The following NEDD4L variants were observed in gnomAD, a reference collection of about 807,000 sequenced individuals.
NEDD4L encodes the protein E3 ubiquitin-protein ligase NEDD4-like.
In NEDD4L, 54 loss-of-function variants were observed where a neutral mutation model predicts 148.9. That is an observed-to-expected ratio of 0.36 (90% CI 0.29 to 0.45). NEDD4L has a LOEUF of 0.45. NEDD4L is among the 20% of genes least tolerant of loss of function. The pLI, the probability that NEDD4L is intolerant of heterozygous loss-of-function variation, is 1.00. For missense variants in NEDD4L, 856 were observed against 1,233.8 expected (o/e 0.69, Z 4.59); for synonymous variants, 433 against 440.7 (o/e 0.98, Z 0.22).
chr18:58,116,737 GA>G (rs1446178861), intron 1 of NEDD4L, among the ~76,000 whole-genome samples: 1 of 152,250 alleles, frequency 6.6e-6, no homozygotes, highest in Admixed American at 6.5e-5. Flanking sequence ...TCCTAACACA[GA>G]ACATGGAATT....
rs920668732 is a variant in NEDD4L, at chr18:58,391,482, T to C, written c.2753-5T>C. 1.9e-6 allele frequency: 3 copies of C among 1,569,904 alleles called. No individual in the cohort carries two copies. The highest frequency in any genetic ancestry group is 2.7e-5 in the African/African-American group (2 of 73,976). ...CTTAACATTTCTTTTTCTTTTCTTG[T>C]CTAGGTTCCAATGGTCCTCAGCTGT... On this transcript the variant is annotated splice_region_variant and splice_polypyrimidine_tract_variant and intron_variant, in intron 29 of 30. Transcript: ENST00000400345.
In NEDD4L at chr18:58,383,563, A is replaced by G. The variant is rs6566962; in HGVS notation, c.2426+244A>G. Among the ~76,000 whole-genome samples the G allele has an allele frequency of 0.087, 13,246 of 152,242 alleles. 848 individuals carry two copies. The highest frequency in any genetic ancestry group is 0.19 in the South Asian group (935 of 4,818). ...AGCAGAGGAGGGAGAAAAGGTCTAT[A>G]TTATTGAGTAATACGGCAAATACTC... On this transcript the variant is annotated intron_variant, in intron 25 of 30. Transcript: ENST00000400345.
chr18:58,214,816 T>C (rs1332568366), intron 2 of NEDD4L, among the ~76,000 whole-genome samples: 2 of 93,392 alleles, frequency 2.1e-5, no homozygotes, highest in East Asian at 8.4e-4. Flanking sequence ...TTTTTTTTTT[T>C]TGTTGTTGTT....
At chr18:58,277,111 G>T (rs2052209598) in intron 5 of NEDD4L, among the ~76,000 whole-genome samples, 2 of 152,152 alleles carry the variant, frequency 1.3e-5, no homozygotes, top group Non-Finnish European at 2.9e-5. Flanking sequence ...AAGGGCCGAG[G>T]AAGAGGAGAA....
At chr18:58,324,472 C>A (rs561029395) in intron 8 of NEDD4L, among the ~76,000 whole-genome samples, 1 of 152,188 alleles carries the variant, frequency 6.6e-6, no homozygotes. Flanking sequence ...TCAAAGCCCA[C>A]CTCCCTGGGG....
intron 1 of NEDD4L, among the ~76,000 whole-genome samples, chr18:58,060,409 C>T (rs1341650894): frequency 6.6e-6 from 1 of 152,072 alleles, no homozygotes; most frequent in African/African-American, 2.4e-5. Context: ...TCGTTGGGCC[C>T]GGCAATCTGG....
intron 1 of NEDD4L, among the ~76,000 whole-genome samples, chr18:58,132,648 A>G (rs547154619): frequency 1.6e-4 from 25 of 152,226 alleles, no homozygotes; most frequent in Non-Finnish European, 2.8e-4. Flanking sequence ...TAATGAATGT[A>G]TGATGCTTGG....
At chr18:58,062,325 G>A (rs918941828) in intron 1 of NEDD4L, among the ~76,000 whole-genome samples, 1 of 152,094 alleles carries the variant, frequency 6.6e-6, no homozygotes, top group African/African-American at 2.4e-5. Flanking sequence ...CTCAGGTGGT[G>A]GTGCTTTGAG....
Position 58,245,601 on chromosome 18 carries a change from A to G in NEDD4L, c.204+93A>G, listed in dbSNP as rs1361091181. The G allele has an allele frequency of 2.3e-5, 13 of 555,902 alleles. No homozygotes were observed. The Admixed American group carries it at 2.8e-4, about 12-fold the overall frequency. The allele number at this position is 555,902 out of a possible 1,614,324, so 34.4% of individuals were successfully genotyped here. On this transcript the variant is annotated intron_variant, in intron 3 of 30. Transcript: ENST00000400345. Reference sequence around the variant, plus strand: ...CTGCTTAACACCTTTTTGGTCAAGGATGGACTACTTACACAGTGATAGTCC... The same window carrying G: ...CTGCTTAACACCTTTTTGGTCAAGGGTGGACTACTTACACAGTGATAGTCC...
chr18:58,044,559 G>A lies in NEDD4L; in HGVS notation c.-102G>A. On this transcript the variant is annotated 5_prime_UTR_variant, in exon 1 of 31. The change creates a new upstream start codon in the 5' untranslated region. Coordinates refer to ENST00000400345, the MANE Select transcript of NEDD4L (RefSeq NM_001144967.3). Reference sequence around the variant, plus strand: ...CCCGGCAGGGCGTGCGCAGGGTAGGGTGCGGGACCGGGGGGACCTGGAGGC... The same window carrying A: ...CCCGGCAGGGCGTGCGCAGGGTAGGATGCGGGACCGGGGGGACCTGGAGGC... The A allele has an allele frequency of 1.4e-6, 2 of 1,379,636 alleles. No homozygotes were observed. Among genetic ancestry groups the A allele is most frequent in the Non-Finnish European group, 1.9e-6 (2 of 1,060,778 alleles). 85.5% of individuals were successfully genotyped at this position (1,379,636 alleles called of 1,614,324 possible).
chr18:58,157,185 CAAAAAA>C (rs59302556), intron 1 of NEDD4L, among the ~76,000 whole-genome samples: 3 of 89,330 alleles, frequency 3.4e-5, no homozygotes, highest in Admixed American at 1.4e-4. Flanking sequence ...GACCTTGTCT[CAAAAAA>C]AAAAAAAAAA....
At chr18:58,264,843 G>A (rs2049992374) in intron 5 of NEDD4L, among the ~76,000 whole-genome samples, 1 of 152,050 alleles carries the variant, frequency 6.6e-6, no homozygotes, top group East Asian at 1.9e-4. Flanking sequence ...TGCAGTAATA[G>A]AGAATATTCT....
At chr18:58,258,851 G>GT (rs1041640337) in intron 5 of NEDD4L, among the ~76,000 whole-genome samples, 54 of 152,210 alleles carry the variant, frequency 3.5e-4, no homozygotes, top group Non-Finnish European at 4.6e-4. Flanking sequence ...GGACAGGGGT[G>GT]TTAAGTTTAG....
At chr18:58,316,417 CTT>C (rs1286683644) in intron 6 of NEDD4L, among the ~76,000 whole-genome samples, 2 of 152,214 alleles carry the variant, frequency 1.3e-5, no homozygotes, top group African/African-American at 2.4e-5. Context: ...TGTTTGCACT[CTT>C]TGTCTGGAAC....
intron 5 of NEDD4L, among the ~76,000 whole-genome samples, chr18:58,284,711 A>G (rs1253879569): frequency 6.6e-6 from 1 of 152,198 alleles, no homozygotes; most frequent in East Asian, 1.9e-4. Context: ...CTTTTTAGAT[A>G]AGTGATGTTT....
chr18:58,217,641 A>C (rs1200598291), intron 2 of NEDD4L, among the ~76,000 whole-genome samples: 1 of 152,156 alleles, frequency 6.6e-6, no homozygotes, highest in African/African-American at 2.4e-5. Context: ...ATACCCAGCT[A>C]ATCTTAGCAA....
At chr18:58,090,327 C>T (rs2084004540) in intron 1 of NEDD4L, among the ~76,000 whole-genome samples, 1 of 152,092 alleles carries the variant, frequency 6.6e-6, no homozygotes, top group Admixed American at 6.6e-5. Flanking sequence ...CTTTGGGGGA[C>T]CTTAAAAGTT....
At chr18:58,123,736 A>T (rs1278297262) in intron 1 of NEDD4L, among the ~76,000 whole-genome samples, 1 of 151,990 alleles carries the variant, frequency 6.6e-6, no homozygotes, top group African/African-American at 2.4e-5. Flanking sequence ...CTCCTAGCTG[A>T]TGACTTTGCT....
chr18:58,256,514 A>G lies in NEDD4L; in HGVS notation c.297+4460A>G. The G allele has an allele frequency of 8.1e-7, 1 of 1,232,270 alleles. No homozygotes were observed. The allele number at this position is 1,232,270 out of a possible 1,614,324, so 76.3% of individuals were successfully genotyped here. On this transcript the variant is annotated intron_variant, in intron 5 of 30. Transcript: ENST00000400345. This position sits in a 1 kb window ranked among gnomAD's most constrained non-coding sequence, Gnocchi z 5.2. The stretch of plus-strand genomic sequence containing the variant: ...CACCTCGTACCCCACGCAGCCCCGA[A>G]GCGAGCGAGGGAGCCCCACGGAAGA...
Sources: allele counts gnomAD v4.1 joint callset (sites outside exome capture counted in the v4.1 genomes callset), GRCh38; gene constraint gnomAD v4.1.1; non-coding constraint Gnocchi (gnomAD v3.1); transcripts MANE v1.5; gene names NCBI Gene and HGNC (gene_info 2026-07-23, HGNC 2026-07-21).